LRRC4C: variants seen among roughly 807,000 people sequenced by gnomAD.
LRRC4C encodes leucine rich repeat containing 4C, also known as leucine-rich repeat-containing protein 4C.
Under a neutral mutation model 33.6 loss-of-function variants are expected in LRRC4C, and 5 were observed. The ratio of observed to expected loss-of-function variants is 0.15; its 90% CI spans 0.08 to 0.31. The LOEUF is 0.31. Among genes scored for constraint, LRRC4C ranks in the 10% least tolerant of loss-of-function variants. LRRC4C has a pLI of 1.00. For missense variants in LRRC4C, 560 were observed against 796.7 expected, an observed-to-expected ratio of 0.70 and a Z score of 3.58; for synonymous variants, 329 against 302.0, an observed-to-expected ratio of 1.09 and a Z score of -0.93.
At chr11:41,184,420 C>A (rs1945596526) in intron 1 of LRRC4C, among the ~76,000 whole-genome samples, 1 of 152,122 alleles carries the variant, frequency 6.6e-6, no homozygotes, top group South Asian at 2.1e-4. Flanking sequence ...AATCATCTCT[C>A]TCAAGTTCAA....
chr11:41,086,051 C>A (rs1590502367), intron 1 of LRRC4C, among the ~76,000 whole-genome samples: 2 of 151,770 alleles, frequency 1.3e-5, no homozygotes, highest in East Asian at 3.9e-4. Context: ...CCATTTTTCT[C>A]CAAATTAAGT....
rs969308733 is a variant in LRRC4C at position 40,415,112 on chromosome 11, T to G, written c.-269-95391A>C. Reference sequence around the variant, plus strand: ...ACTGAGGAGAGGTGAATGAGAAGTATAAAATCACTGACCTCGTGCCGTTTG... The same window carrying G: ...ACTGAGGAGAGGTGAATGAGAAGTAGAAAATCACTGACCTCGTGCCGTTTG... On this transcript the variant is annotated intron_variant, in intron 3 of 6. Transcript: ENST00000528697. Among the ~76,000 whole-genome samples, 11 of 152,154 alleles carry G rather than the reference T, an allele frequency of 7.2e-5. No homozygotes were observed. In the South Asian group the frequency reaches 2.1e-3, roughly 29 times the overall value.
chr11:41,108,989 C>T (rs1486203618), intron 1 of LRRC4C, among the ~76,000 whole-genome samples: 1 of 152,056 alleles, frequency 6.6e-6, no homozygotes, highest in East Asian at 1.9e-4. Flanking sequence ...GGAGCTGGGT[C>T]TCAAAGTCCT....
chr11:40,509,968 A>G (rs1404970315), intron 3 of LRRC4C, among the ~76,000 whole-genome samples: 1 of 152,080 alleles, frequency 6.6e-6, no homozygotes, highest in Non-Finnish European at 1.5e-5. Flanking sequence ...GTGGATGTAA[A>G]TATAACTTTA....
At position 40,488,272 on chromosome 11, in the gene LRRC4C, G is replaced by A. The variant is rs938899735; in HGVS notation, c.-270+159870C>T. Among the ~76,000 whole-genome samples the A allele has an allele frequency of 2.0e-5, 3 of 147,608 alleles. No homozygotes were observed. The South Asian group carries it at 6.4e-4, about 32-fold the overall frequency. On this transcript the variant is annotated intron_variant, in intron 3 of 6. Coordinates refer to ENST00000528697, the MANE Select transcript of LRRC4C (RefSeq NM_001258419.2). The stretch of plus-strand genomic sequence containing the variant: ...TCGAAATCAAAAGCACGCATACAGG[G>A]TGTTTTTTTCCCCCCCCCACTTAAA...
At chr11:40,813,561 C>A (rs1422258256) in intron 2 of LRRC4C, among the ~76,000 whole-genome samples, 4 of 152,098 alleles carry the variant, frequency 2.6e-5, no homozygotes, top group Admixed American at 1.3e-4. Flanking sequence ...TCATTCCACC[C>A]TGGCCCCTCC....
chr11:40,665,354 A>G (rs1448350182), intron 2 of LRRC4C, among the ~76,000 whole-genome samples: 7 of 15,974 alleles, frequency 4.4e-4, no homozygotes, highest in African/African-American at 1.2e-3. Flanking sequence ...ATATATATAT[A>G]TATATATATG....
intron 3 of LRRC4C, among the ~76,000 whole-genome samples, chr11:40,510,736 A>C (rs959658550): frequency 5.3e-5 from 8 of 152,200 alleles, no homozygotes; most frequent in African/African-American, 1.7e-4. Context: ...TAGTTGCCTC[A>C]GTTGATATAC....
intron 1 of LRRC4C, among the ~76,000 whole-genome samples, chr11:41,044,214 G>C (rs1264735611): frequency 6.6e-6 from 1 of 152,070 alleles, no homozygotes; most frequent in Non-Finnish European, 1.5e-5. Context: ...GCAGATTCTA[G>C]TAACATGAAA....
chr11:40,498,631 T>C (rs750648448), intron 3 of LRRC4C, among the ~76,000 whole-genome samples: 5 of 152,204 alleles, frequency 3.3e-5, no homozygotes, highest in Admixed American at 2.6e-4. Flanking sequence ...AATGTGATAA[T>C]TGCTACTTAG....
intron 1 of LRRC4C, among the ~76,000 whole-genome samples, chr11:41,292,066 G>A (rs1374129852): frequency 6.6e-6 from 1 of 152,102 alleles, no homozygotes; most frequent in Non-Finnish European, 1.5e-5. Context: ...AATATTAGCT[G>A]CTCCTGCATG....
chr11:40,195,173 A>G (rs535527278), intron 5 of LRRC4C, among the ~76,000 whole-genome samples: 1 of 152,320 alleles, frequency 6.6e-6, no homozygotes, highest in South Asian at 2.1e-4. Context: ...GGCACTGACT[A>G]TAAGGAGAAA....
intron 1 of LRRC4C, among the ~76,000 whole-genome samples, chr11:41,442,416 A>T (rs917977143): frequency 1.4e-5 from 2 of 140,710 alleles, no homozygotes; most frequent in African/African-American, 5.2e-5. Context: ...TTTAAAAATG[A>T]TTTTAATTCA....
At chr11:40,212,078 C>A (rs921589243) in intron 5 of LRRC4C, among the ~76,000 whole-genome samples, 1 of 152,072 alleles carries the variant, frequency 6.6e-6, no homozygotes, top group Non-Finnish European at 1.5e-5. Flanking sequence ...TCATATGTCA[C>A]GTGAATATCT....
chr11:41,262,054 AT>A (rs144083486), intron 1 of LRRC4C, among the ~76,000 whole-genome samples: 2 of 152,248 alleles, frequency 1.3e-5, no homozygotes, highest in African/African-American at 4.8e-5. Context: ...CTATTCTAAA[AT>A]AAGTGAGATA....
intron 3 of LRRC4C, among the ~76,000 whole-genome samples, chr11:40,411,066 T>C (rs754333639): frequency 2.6e-5 from 4 of 152,116 alleles, no homozygotes; most frequent in Non-Finnish European, 5.9e-5. Context: ...CAAACAGGAC[T>C]GTAATCTCCT....
At chr11:40,251,278 C>T (rs976588639) in intron 4 of LRRC4C, among the ~76,000 whole-genome samples, 6 of 152,048 alleles carry the variant, frequency 3.9e-5, no homozygotes, top group African/African-American at 1.4e-4. Flanking sequence ...ATTCTTGCTT[C>T]TGTAAAAAGG....
At chr11:41,228,937 CT>C (rs1177906344) in intron 1 of LRRC4C, among the ~76,000 whole-genome samples, 1 of 151,856 alleles carries the variant, frequency 6.6e-6, no homozygotes, top group Non-Finnish European at 1.5e-5. Context: ...TCATTTTTTT[CT>C]TTTATCTATT....
chr11:40,826,367 T>C (rs1389979024), intron 2 of LRRC4C, among the ~76,000 whole-genome samples: 3 of 151,952 alleles, frequency 2.0e-5, no homozygotes, highest in Non-Finnish European at 4.4e-5. Context: ...CAAAAAGATT[T>C]CACCAATTAC....
Sources: allele counts gnomAD v4.1 joint callset (sites outside exome capture counted in the v4.1 genomes callset), GRCh38; gene constraint gnomAD v4.1.1; transcripts MANE v1.5; gene names NCBI Gene and HGNC (gene_info 2026-07-23, HGNC 2026-07-21).